The following APOO variants were observed in gnomAD, a reference collection of about 807,000 sequenced individuals.
The protein encoded by APOO is MICOS complex subunit MIC26.
APOO carries 11 observed loss-of-function variants against 23.1 expected under a neutral mutation model. That is an observed-to-expected ratio of 0.48 (90% CI 0.30 to 0.79). The LOEUF is 0.79. Ranked by LOEUF, APOO falls within the 30% of genes least tolerant of loss-of-function variation. The pLI, the probability that APOO is intolerant of heterozygous loss-of-function variation, is 0.07. For missense variants in APOO, 160 were observed against 142.7 expected (o/e 1.12, Z -0.62); for synonymous variants, 59 against 54.8 (o/e 1.08, Z -0.34).
rs140184171 is a variant in APOO at position 23,861,245 on chromosome X, C to T, written c.389-2512G>A. Among the ~76,000 whole-genome samples, 382 of 110,980 alleles carry T rather than the reference C, an allele frequency of 3.4e-3. 6 individuals carry two copies. Among genetic ancestry groups the T allele is most frequent in the Admixed American group, 0.029 (295 of 10,319 alleles). ...TCTCACAGATGGTTTAACACCATTC[C>T]CTTGGTGCTGTCCTTGTGCAACAGT... On this transcript the variant is annotated intron_variant, in intron 5 of 8. Coordinates refer to ENST00000379226, the MANE Select transcript of APOO (RefSeq NM_024122.5).
intron 1 of APOO, chrX:23,884,089 G>A (rs1310532226): frequency 9.0e-6 from 1 of 111,707 alleles, no homozygotes; most frequent in Non-Finnish European, 1.9e-5. Context: ...AGAGAGATGA[G>A]TCAGAGAAGT....
rs940992405 is a variant in APOO, at chrX:23,902,958, A to G, written c.9+4736T>C. ...TGTTCCTTGGTCAGTGCCTCTCCCA[A>G]ATCCCACCATGTTCATAAGACCATC... On this transcript the variant is annotated intron_variant, in intron 1 of 8. Coordinates refer to ENST00000379226, the MANE Select transcript of APOO (RefSeq NM_024122.5). Among the ~76,000 whole-genome samples, 8 of 111,763 alleles carry G rather than the reference A, an allele frequency of 7.2e-5. No homozygotes were observed. In the Admixed American group the frequency reaches 7.6e-4, roughly 11 times the overall value.
At chrX:23,858,290 T>G (rs1208590778) in intron 6 of APOO, among the ~76,000 whole-genome samples, 1 of 110,696 alleles carries the variant, frequency 9.0e-6, no homozygotes, top group Non-Finnish European at 1.9e-5. Flanking sequence ...GAGAGCAGGT[T>G]GTGACCGGAC....
chrX:23,852,982 G>A (rs892172874), intron 7 of APOO, among the ~76,000 whole-genome samples: 2 of 110,532 alleles, frequency 1.8e-5, no homozygotes, highest in African/African-American at 6.6e-5. Flanking sequence ...ACAAGGCCGG[G>A]CGTGGTGGCT....
At chrX:23,902,907 C>T (rs1047939702) in intron 1 of APOO, among the ~76,000 whole-genome samples, 2 of 111,007 alleles carry the variant, frequency 1.8e-5, no homozygotes, top group Non-Finnish European at 3.8e-5. Context: ...CTCAGCAGAG[C>T]CCTCAAAGGG....
chrX:23,852,882 T>A (rs912773572), intron 7 of APOO, among the ~76,000 whole-genome samples: 1 of 110,528 alleles, frequency 9.0e-6, no homozygotes, highest in African/African-American at 3.3e-5. Flanking sequence ...TATTTGATAG[T>A]CTATGAAGAG....
Position 23,907,914 on chromosome X carries a change from G to T in APOO, c.-212C>A. Reference sequence around the variant, plus strand: ...GCGTCGCTGAGCCGCAGCGCGTCGCGCCCGGGCAGCGGGTGAACGCAAACC... The same window carrying T: ...GCGTCGCTGAGCCGCAGCGCGTCGCTCCCGGGCAGCGGGTGAACGCAAACC... On this transcript the variant is annotated 5_prime_UTR_variant, in exon 1 of 9. Coordinates refer to ENST00000379226, the MANE Select transcript of APOO (RefSeq NM_024122.5). The T allele has an allele frequency of 2.5e-6, 1 of 394,903 alleles. No homozygotes were observed. The highest frequency in any genetic ancestry group is 4.1e-6 in the Non-Finnish European group (1 of 242,461). The allele number at this position is 394,903 out of a possible 1,213,427, so 32.5% of individuals were successfully genotyped here.
intron 1 of APOO, among the ~76,000 whole-genome samples, chrX:23,902,536 A>T (rs1444014691): frequency 9.0e-6 from 1 of 111,695 alleles, no homozygotes; most frequent in African/African-American, 3.3e-5. Flanking sequence ...ATCTGGGTAT[A>T]TGTATCCAAT....
intron 1 of APOO, among the ~76,000 whole-genome samples, chrX:23,899,112 C>T (rs1052978903): frequency 3.6e-5 from 4 of 112,032 alleles, no homozygotes; most frequent in African/African-American, 1.3e-4. Context: ...TGGAACCAAA[C>T]AAAGAAGTCC....
chrX:23,891,672 A>G (rs957780883), intron 1 of APOO, among the ~76,000 whole-genome samples: 8 of 111,489 alleles, frequency 7.2e-5, no homozygotes, highest in African/African-American at 2.6e-4. Context: ...TTCAACTGCT[A>G]CTTCAAACAG....
intron 4 of APOO, among the ~76,000 whole-genome samples, chrX:23,868,903 T>C (rs4486385): frequency 0.19 from 20,771 of 108,337 alleles, 1,613 homozygotes; most frequent in African/African-American, 0.25. Flanking sequence ...CCAATTTTCT[T>C]TTCTTTCTTT....
intron 5 of APOO, among the ~76,000 whole-genome samples, chrX:23,862,709 G>C (rs1179829617): frequency 9.6e-6 from 1 of 104,489 alleles, no homozygotes; most frequent in East Asian, 3.0e-4. Flanking sequence ...AGGAGGTCAA[G>C]ACTGCAGTGA....
chrX:23,906,372 T>A (rs1927355857), intron 1 of APOO, among the ~76,000 whole-genome samples: 1 of 112,627 alleles, frequency 8.9e-6, no homozygotes, highest in Non-Finnish European at 1.9e-5. Context: ...ATAGTTATGT[T>A]TTTTCCCCAT....
chrX:23,903,427 T>A (rs1163181839), intron 1 of APOO, among the ~76,000 whole-genome samples: 3 of 110,210 alleles, frequency 2.7e-5, no homozygotes, highest in Non-Finnish European at 5.7e-5. Flanking sequence ...TGAATTGGAA[T>A]CCATTTTAAC....
Position 23,858,553 on chromosome X carries a change from G to A in APOO, c.480+89C>T, listed in dbSNP as rs757570095. 115 of 910,755 alleles carry A rather than the reference G, an allele frequency of 1.3e-4. 2 individuals carry two copies. Among genetic ancestry groups the A allele is most frequent in the Admixed American group, 1.2e-3 (39 of 33,419 alleles). The allele number at this position is 910,755 out of a possible 1,213,427, so 75.1% of individuals were successfully genotyped here. ...AACAAATTTTAGTCTGGTGTTATAAGAACTGCAAAATAAAATAAAATTAAG... is the reference window on the plus strand; with the variant it reads ...AACAAATTTTAGTCTGGTGTTATAAAAACTGCAAAATAAAATAAAATTAAG... On this transcript the variant is annotated intron_variant, in intron 6 of 8. Transcript: ENST00000379226.
At position 23,895,013 on chromosome X, in the gene APOO, C is replaced by CT. The variant is rs1926835582; in HGVS notation, c.9+12680dup. 3.7e-5 allele frequency among the ~76,000 whole-genome samples: 4 copies of CT among 109,356 alleles called. No homozygotes were observed. The South Asian group carries it at 1.6e-3, about 44-fold the overall frequency. 95.0% of individuals were successfully genotyped at this position (109,356 alleles called of 115,157 possible). A position where few individuals can be genotyped will look rare whatever the true frequency, so the allele number is the denominator to read the frequency against. ...AATACAATAATTAGCTGGTGGGCAC[C>CT]TGTAGCCCCAGCTACTCAGGAGGCT... On this transcript the variant is annotated intron_variant, in intron 1 of 8. Coordinates refer to ENST00000379226, the MANE Select transcript of APOO (RefSeq NM_024122.5).
chrX:23,852,613 CA>C (rs63343560), intron 7 of APOO, among the ~76,000 whole-genome samples: 44,115 of 90,360 alleles, frequency 0.49, 10,799 homozygotes, highest in African/African-American at 0.88. Flanking sequence ...GACTCTGTCT[CA>C]AAAAAAAAAA....
At chrX:23,848,441 G>T (rs1368896281) in intron 7 of APOO, among the ~76,000 whole-genome samples, 1 of 111,910 alleles carries the variant, frequency 8.9e-6, no homozygotes, top group Non-Finnish European at 1.9e-5. Flanking sequence ...TGGGATTACA[G>T]GCGTGAGCCA....
At chrX:23,881,563 TAAAAAA>T (rs60466764) in intron 1 of APOO, among the ~76,000 whole-genome samples, 1 of 9,174 alleles carries the variant, frequency 1.1e-4, no homozygotes, top group African/African-American at 5.9e-4. Context: ...ATCGCTCCAC[TAAAAAA>T]AAAAAAAAAA....
Sources: gnomAD v4.1 joint callset for allele counts (sites outside exome capture counted in the v4.1 genomes callset) on GRCh38, gnomAD v4.1.1 for gene constraint, MANE v1.5 for transcripts, NCBI Gene and HGNC (gene_info 2026-07-23, HGNC 2026-07-21) for gene names.